The following CDKL5 variants were observed in gnomAD, a reference collection of about 807,000 sequenced individuals.
CDKL5 encodes cyclin-dependent kinase-like 5.
Under a neutral mutation model 61.7 loss-of-function variants are expected in CDKL5, and 8 were observed. That is an observed-to-expected ratio of 0.13 (90% CI 0.08 to 0.23). The LOEUF is 0.23. CDKL5 is among the 10% of genes least tolerant of loss of function. The probability of loss-of-function intolerance (pLI) is 1.00; values close to 1 mark genes in which losing one functional copy is unlikely to be tolerated. For missense variants in CDKL5, 440 were observed against 734.5 expected, an observed-to-expected ratio of 0.60 and a Z score of 4.63; for synonymous variants, 275 against 272.3, an observed-to-expected ratio of 1.01 and a Z score of -0.10.
chrX:18,427,399 C>G (rs1230759575), intron 1 of CDKL5, among the ~76,000 whole-genome samples: 1 of 109,522 alleles, frequency 9.1e-6, no homozygotes, highest in East Asian at 2.8e-4. Flanking sequence ...GCACTGTATG[C>G]TGAGCATTTC....
intron 14 of CDKL5, among the ~76,000 whole-genome samples, chrX:18,610,651 T>G (rs1321515778): frequency 1.8e-5 from 2 of 113,233 alleles, no homozygotes; most frequent in African/African-American, 6.4e-5. Context: ...AGCAGACAAC[T>G]AAAACAGATG....
In CDKL5 at chrX:18,633,693, G is replaced by A. The variant is rs983984993; in HGVS notation, c.*4936G>A. 2.7e-6 allele frequency: 2 copies of A among 753,666 alleles called. No homozygotes were observed. The highest frequency in any genetic ancestry group is 3.1e-6 in the Non-Finnish European group (2 of 639,136). The allele number at this position is 753,666 out of a possible 1,213,427, so 62.1% of individuals were successfully genotyped here. A position where few individuals can be genotyped will look rare whatever the true frequency, so the allele number is the denominator to read the frequency against. On this transcript the variant is annotated 3_prime_UTR_variant, in exon 18 of 18. Transcript: ENST00000623535. The stretch of plus-strand genomic sequence containing the variant: ...AAACTCTGGGCCTGCTGCCCCCTTC[G>A]ATTCTTTTTTTTTTTCTTTGTGAAT...
chrX:18,465,513 A>G (rs2147650114), intron 1 of CDKL5, among the ~76,000 whole-genome samples: 1 of 110,564 alleles, frequency 9.0e-6, no homozygotes, highest in East Asian at 2.8e-4. Flanking sequence ...TAAAAATACA[A>G]AAAAAATTAG....
intron 3 of CDKL5, among the ~76,000 whole-genome samples, chrX:18,541,120 C>G (rs186255191): frequency 8.9e-6 from 1 of 112,094 alleles, no homozygotes; most frequent in Admixed American, 9.4e-5. Context: ...TTTTAGTTTT[C>G]AAAAGTTTCA....
chrX:18,563,208 T>G (rs1192020096), intron 3 of CDKL5, among the ~76,000 whole-genome samples: 3 of 112,012 alleles, frequency 2.7e-5, no homozygotes, highest in African/African-American at 9.7e-5. Flanking sequence ...TGGTCTGTCC[T>G]TTCAGTTATG....
intron 1 of CDKL5, among the ~76,000 whole-genome samples, chrX:18,471,253 A>T (rs1220242436): frequency 8.9e-6 from 1 of 111,874 alleles, no homozygotes; most frequent in Admixed American, 9.6e-5. Context: ...TGATACAGGT[A>T]TACAATGCAT....
chrX:18,615,958 A>G (rs996626550), intron 15 of CDKL5, among the ~76,000 whole-genome samples: 2 of 112,225 alleles, frequency 1.8e-5, no homozygotes, highest in Admixed American at 1.9e-4. Flanking sequence ...GAGATAGCCA[A>G]AATATCTCAG....
chrX:18,586,511 A>G (rs962150704), intron 8 of CDKL5, among the ~76,000 whole-genome samples: 1 of 111,863 alleles, frequency 8.9e-6, no homozygotes, highest in East Asian at 2.8e-4. Context: ...AACTGGAGTT[A>G]TGTTTAGAGA....
At chrX:18,601,092 G>T (rs1336671504) in intron 11 of CDKL5, among the ~76,000 whole-genome samples, 1 of 111,746 alleles carries the variant, frequency 8.9e-6, no homozygotes, top group Non-Finnish European at 1.9e-5. Context: ...CACATTGGTT[G>T]CCACGTACAA....
At chrX:18,584,414 C>A (rs2029976220) in intron 8 of CDKL5, 61 bp downstream of exon 8, 1 of 763,383 alleles carries the variant, frequency 1.3e-6, no homozygotes, top group Non-Finnish European at 2.1e-6. Context: ...TTGTCATTTG[C>A]TTTGAGTTCA....
chrX:18,469,860 TTTCTC>T (rs1921022375), intron 1 of CDKL5, among the ~76,000 whole-genome samples: 1 of 112,047 alleles, frequency 8.9e-6, no homozygotes, highest in Admixed American at 9.6e-5. Flanking sequence ...CCATTTGTCT[TTTCTC>T]TTAGCAAATC....
intron 3 of CDKL5, among the ~76,000 whole-genome samples, chrX:18,553,465 CGTGTGTGTGTGTGTGTGTGTGT>C (rs201802099): frequency 1.1e-5 from 1 of 90,831 alleles, no homozygotes; most frequent in Non-Finnish European, 2.2e-5. Flanking sequence ...TGTGTGTGTG[CGTGTGTGTGTGTGTGTGTGTGT>C]GTGTGTGTGT....
chrX:18,651,260 T>TGA lies in CDKL5; in HGVS notation c.2980+669_2980+670insAG, dbSNP rs1243407505. Among the ~76,000 whole-genome samples the TGA allele has an allele frequency of 1.7e-4, 14 of 81,606 alleles. No homozygotes were observed. The South Asian group carries it at 2.3e-3, about 13-fold the overall frequency. The allele number at this position is 81,606 out of a possible 115,157, so 70.9% of individuals were successfully genotyped here. A position where few individuals can be genotyped will look rare whatever the true frequency, so the allele number is the denominator to read the frequency against. ...GTGTGTGTGTGTGTGTGTGTGTGTG[T>TGA]GTGTGAGAGAGAGAGAGAGAGAGAG... is the stretch of plus-strand genomic sequence containing the variant. On this transcript the variant is annotated intron_variant, in intron 21 of 21. Transcript: ENST00000379989.
intron 3 of CDKL5, among the ~76,000 whole-genome samples, chrX:18,521,477 G>C (rs2147102391): frequency 9.0e-6 from 1 of 111,404 alleles, no homozygotes; most frequent in African/African-American, 3.3e-5. Flanking sequence ...TAATGGTACA[G>C]TAGTATAGTT....
Position 18,575,427 on chromosome X carries a change from G to A in CDKL5, c.219G>A (p.Val73=), listed in dbSNP as rs1925264948. 3 of 1,208,421 alleles carry A rather than the reference G, an allele frequency of 2.5e-6. No individual in the cohort carries two copies. The highest frequency in any genetic ancestry group is 3.4e-6 in the Non-Finnish European group (3 of 892,489). The part of the protein sequence containing the change: ...MLRTLKQENI[V]ELKEAFRRRG... Reference sequence around the variant, plus strand: ...GGACTCTCAAGCAGGAAAACATTGTGGAGTTGAAGGAAGCATTTCGTCGGA... The same window carrying A: ...GGACTCTCAAGCAGGAAAACATTGTAGAGTTGAAGGAAGCATTTCGTCGGA... Residue 73 remains valine (V), a synonymous_variant, in exon 5 of 18, where the codon GTG becomes GTA. Transcript: ENST00000623535.
chrX:18,536,516 C>T (rs1231965621), intron 3 of CDKL5, among the ~76,000 whole-genome samples: 8 of 93,576 alleles, frequency 8.5e-5, no homozygotes, highest in East Asian at 3.6e-4. Flanking sequence ...GCGTGATTTC[C>T]GCTTACTGCA....
At chrX:18,429,208 A>G (rs184797947) in intron 1 of CDKL5, among the ~76,000 whole-genome samples, 32 of 111,747 alleles carry the variant, frequency 2.9e-4, no homozygotes, top group African/African-American at 1.0e-3. Context: ...ATAGAAAGTT[A>G]TTTATTAGGT....
At chrX:18,495,363 G>A (rs1490181890) in intron 1 of CDKL5, among the ~76,000 whole-genome samples, 3 of 112,219 alleles carry the variant, frequency 2.7e-5, no homozygotes, top group Non-Finnish European at 3.8e-5. Context: ...ATAAGCCTAC[G>A]TTTCTGTCAG....
chrX:18,546,031 G>T (rs962631738), intron 3 of CDKL5, among the ~76,000 whole-genome samples: 5 of 110,679 alleles, frequency 4.5e-5, no homozygotes, highest in Non-Finnish European at 9.4e-5. Context: ...GGTGAGAAGG[G>T]CATGATCAGT....
Sources: allele counts gnomAD v4.1 joint callset (sites outside exome capture counted in the v4.1 genomes callset), GRCh38; gene constraint gnomAD v4.1.1; transcripts MANE v1.5; gene names NCBI Gene and HGNC (gene_info 2026-07-23, HGNC 2026-07-21).